Variants in MINK1 observed in about 807,000 individuals in gnomAD.
MINK1 encodes misshapen-like kinase 1.
Under a neutral mutation model 178.4 loss-of-function variants are expected in MINK1, and 46 were observed. The ratio of observed to expected loss-of-function variants is 0.26; its 90% CI spans 0.20 to 0.33. The LOEUF (loss-of-function observed/expected upper bound fraction) is 0.33. Among genes scored for constraint, MINK1 ranks in the 10% least tolerant of loss-of-function variants. The pLI is 1.00. For missense variants in MINK1, 1,366 were observed against 1,814.9 expected (o/e 0.75, Z 4.49); for synonymous variants, 797 against 709.7 (o/e 1.12, Z -1.96).
At position 4,896,628 on chromosome 17, in the gene MINK1, T is replaced by G. The variant is rs943411221; in HGVS notation, c.3775+40T>G. ...GCCCTCCCAGCCACATGCCCCGAGG[T>G]GGCCCCGGGGTGCAGCCTGCTCAGC... On this transcript the variant is annotated intron_variant, in intron 30 of 31. Coordinates refer to ENST00000355280, the MANE Select transcript of MINK1 (RefSeq NM_153827.5). This position sits in a 1 kb window ranked among gnomAD's most constrained non-coding sequence, Gnocchi z 4.6. The G allele has an allele frequency of 1.2e-6, 2 of 1,611,424 alleles. No individual in the cohort carries two copies. Among genetic ancestry groups the G allele is most frequent in the African/African-American group, 2.7e-5 (2 of 74,870 alleles).
At chr17:4,843,000 G>A (rs1910483166) in intron 1 of MINK1, among the ~76,000 whole-genome samples, 1 of 152,226 alleles carries the variant, frequency 6.6e-6, no homozygotes, top group Admixed American at 6.5e-5. Context: ...GCCTTCCACA[G>A]CTCGCTGTTT....
chr17:4,858,939 C>T lies in MINK1; in HGVS notation c.58-19378C>T, dbSNP rs565532902. Reference sequence around the variant, plus strand: ...CTCCCCTAGCCTCACAGCTAGCTGACTCTGCCTTGTCCTCCCAACACCCGG... The same window carrying T: ...CTCCCCTAGCCTCACAGCTAGCTGATTCTGCCTTGTCCTCCCAACACCCGG... On this transcript the variant is annotated intron_variant, in intron 1 of 31. Transcript: ENST00000355280. Among the ~76,000 whole-genome samples, 287 of 152,332 alleles carry T rather than the reference C, an allele frequency of 1.9e-3. 1 individual carries two copies. Among genetic ancestry groups the T allele is most frequent in the Non-Finnish European group, 2.7e-3 (182 of 68,038 alleles).
chr17:4,835,519 C>T (rs1029663561), intron 1 of MINK1, among the ~76,000 whole-genome samples: 5 of 152,172 alleles, frequency 3.3e-5, no homozygotes, highest in Admixed American at 1.3e-4. Flanking sequence ...CCCAGCTACT[C>T]AGGAGGCTGA....
At position 4,895,758 on chromosome 17, in the gene MINK1, A is replaced by G; in HGVS notation, c.3290A>G (p.Asn1097Ser). 1.2e-6 allele frequency: 2 copies of G among 1,613,862 alleles called. No individual in the cohort carries two copies. The highest frequency in any genetic ancestry group is 1.7e-6 in the Non-Finnish European group (2 of 1,179,826). Reference sequence around the variant, plus strand: ...TGGCTCCGGAACAAGATTCTGCACAATGACCCAGAAGTGGAGAAGAAGCAG... The same window carrying G: ...TGGCTCCGGAACAAGATTCTGCACAGTGACCCAGAAGTGGAGAAGAAGCAG... ...LSWLRNKILH[N>S]DPEVEKKQGW... The change falls in exon 27 of 32, where the codon AAT (asparagine) becomes AGT (serine). Residue 1097 changes from asparagine (N) to serine (S), a missense_variant. Asn to Ser is a conservative substitution (Grantham distance 46). Around this residue, in one of 14 missense-constraint regions of MINK1, gnomAD observed 77 missense variants for 119.5 expected, o/e 0.64. Coordinates refer to ENST00000355280, the MANE Select transcript of MINK1 (RefSeq NM_153827.5). This position sits in a 1 kb window ranked among gnomAD's most constrained non-coding sequence, Gnocchi z 4.3.
chr17:4,880,919 CCT>C, intron 2 of MINK1, 63 bp from the exon 3 acceptor site: 1 of 1,417,010 alleles, frequency 7.1e-7, no homozygotes, highest in Non-Finnish European at 9.2e-7. Flanking sequence ...AGCTGTGTCT[CCT>C]AGAGTCAAGC....
Position 4,892,406 on chromosome 17 carries a change from C to A in MINK1, c.2092C>A (p.Arg698Ser), listed in dbSNP as rs541300004. 2 of 1,554,964 alleles carry A rather than the reference C, an allele frequency of 1.3e-6. No homozygotes were observed. The highest frequency in any genetic ancestry group is 1.7e-6 in the Non-Finnish European group (2 of 1,150,060). ...RPAQAVRARP[R>S]SNSAWQIYLQ... ...ACCCCTGTGCTCCCTTCACAGACCT[C>A]GCAGCAACTCCGCCTGGCAAATCTA... is the stretch of plus-strand genomic sequence containing the variant. Residue 698 changes from arginine to serine, a missense_variant, in exon 18 of 32, where the codon CGC becomes AGC. By Grantham distance (110) the Arg-to-Ser change is moderately radical (BLOSUM62 -1). Coordinates refer to ENST00000355280, the MANE Select transcript of MINK1 (RefSeq NM_153827.5).
At chr17:4,847,009 T>C (rs1189118198) in intron 1 of MINK1, among the ~76,000 whole-genome samples, 1 of 152,200 alleles carries the variant, frequency 6.6e-6, no homozygotes, top group Non-Finnish European at 1.5e-5. Context: ...TGCAGCTTAG[T>C]TGTGTTTCAC....
chr17:4,892,317 AC>A, intron 17 of MINK1, 83 bp downstream of exon 17: 1 of 1,439,492 alleles, frequency 6.9e-7, no homozygotes, highest in African/African-American at 1.7e-5. Flanking sequence ...TTACCAGCCT[AC>A]CCGCCTGGGG....
intron 1 of MINK1, chr17:4,854,838 A>G: frequency 2.1e-6 from 1 of 467,222 alleles, no homozygotes. Context: ...TGTGAGAGGC[A>G]GGGTTAGCAG....
chr17:4,834,634 C>A (rs996974657), intron 1 of MINK1, among the ~76,000 whole-genome samples: 16 of 152,134 alleles, frequency 1.1e-4, no homozygotes, highest in African/African-American at 3.9e-4. Flanking sequence ...TGTTTTTCTT[C>A]GGCAGGGAGC....
intron 31 of MINK1, 36 bp from the exon 32 acceptor site, chr17:4,897,168 T>G (rs766814148): frequency 4.8e-5 from 76 of 1,587,386 alleles, no homozygotes; most frequent in Non-Finnish European, 4.3e-6. Context: ...CCCCCCAACC[T>G]CAGCCCTTGG....
chr17:4,894,343 A>C lies in MINK1; in HGVS notation c.2808+32A>C. The C allele has an allele frequency of 6.2e-7, 1 of 1,602,596 alleles. No homozygotes were observed. Among genetic ancestry groups the C allele is most frequent in the Non-Finnish European group, 8.5e-7 (1 of 1,175,902 alleles). ...GGGCCGGAGGCAGGTCCGCCGGGAG[A>C]GAAGAGCCCTGGCGATGGGCAGGAG... On this transcript the variant is annotated intron_variant, in intron 23 of 31. Transcript: ENST00000355280. This position sits in a 1 kb window ranked among gnomAD's most constrained non-coding sequence, Gnocchi z 4.1.
At chr17:4,859,465 A>T (rs1010968454) in intron 1 of MINK1, 4 of 300,848 alleles carry the variant, frequency 1.3e-5, no homozygotes, top group African/African-American at 9.1e-5. Context: ...CCCAGAAGGT[A>T]GAGCCAGGGG....
intron 1 of MINK1, chr17:4,859,289 AC>A (rs1195058405): frequency 5.1e-6 from 5 of 985,382 alleles, no homozygotes; most frequent in Non-Finnish European, 6.0e-6. Context: ...CCTTTCCAGC[AC>A]CGAAATTCAA....
intron 1 of MINK1, among the ~76,000 whole-genome samples, chr17:4,869,297 A>G (rs1915527509): frequency 6.8e-6 from 1 of 147,404 alleles, no homozygotes; most frequent in Admixed American, 6.9e-5. Flanking sequence ...TATTTTTGAG[A>G]CAGCGTTTCA....
chr17:4,839,939 A>ATGTGTGTGTGTGTGTGTG (rs34473686), intron 1 of MINK1, among the ~76,000 whole-genome samples: 1 of 141,888 alleles, frequency 7.0e-6, no homozygotes, highest in African/African-American at 2.6e-5. Flanking sequence ...TTATTTATTA[A>ATGTGTGTGTGTGTGTGTG]TGTGTGTGTG....
chr17:4,897,551 G>A lies in MINK1; in HGVS notation c.*264G>A, dbSNP rs1414154474. On this transcript the variant is annotated 3_prime_UTR_variant, in exon 32 of 32. Transcript: ENST00000355280. ...AGCTTCCCCTTCCCAGGAATTGAGT[G>A]GGCCTAGCCCCTCCCCCCTTTTCTC... The A allele has an allele frequency of 4.3e-6, 2 of 461,198 alleles. No individual in the cohort carries two copies. The highest frequency in any genetic ancestry group is 2.0e-5 in the African/African-American group (1 of 50,070). The allele number at this position is 461,198 out of a possible 1,614,324, so 28.6% of individuals were successfully genotyped here. A position where few individuals can be genotyped will look rare whatever the true frequency, so the allele number is the denominator to read the frequency against.
chr17:4,896,022 G>A lies in MINK1; in HGVS notation c.3384G>A (p.Lys1128=), dbSNP rs1202661237. 6.2e-7 allele frequency: 1 copy of A among 1,601,976 alleles called. No homozygotes were observed. The highest frequency in any genetic ancestry group is 1.7e-4 in the Middle Eastern group (1 of 6,056). The change falls in exon 28 of 32, where the codon AAG becomes AAA. Residue 1128 remains lysine (K), a synonymous_variant. Coordinates refer to ENST00000355280, the MANE Select transcript of MINK1 (RefSeq NM_153827.5). The surrounding 1 kb of genome is among the most constrained non-coding windows in gnomAD (Gnocchi z 4.6). The stretch of plus-strand genomic sequence containing the variant: ...CCCCAGTGAAATACGAGCGGATTAA[G>A]TTCCTGGTCATCGCCCTCAAGAGCT... The part of the protein sequence containing the change: ...HYRVVKYERI[K]FLVIALKSSV...
intron 1 of MINK1, among the ~76,000 whole-genome samples, chr17:4,877,491 C>T (rs1967287878): frequency 6.6e-6 from 1 of 152,182 alleles, no homozygotes; most frequent in Non-Finnish European, 1.5e-5. Flanking sequence ...CTCAGGGGGA[C>T]TGGGAAGAGG....
Sources: allele counts gnomAD v4.1 joint callset (sites outside exome capture counted in the v4.1 genomes callset), GRCh38; gene constraint gnomAD v4.1.1; regional missense constraint gnomAD v4.1.1; non-coding constraint Gnocchi (gnomAD v3.1); transcripts MANE v1.5; gene names NCBI Gene and HGNC (gene_info 2026-07-23, HGNC 2026-07-21).